MDGA1: variants seen among roughly 807,000 people sequenced by gnomAD.
MDGA1 encodes MAM domain-containing glycosylphosphatidylinositol anchor protein 1.
A neutral mutation model predicts 101.5 loss-of-function variants in MDGA1; 54 were observed. The ratio of observed to expected loss-of-function variants is 0.53; its 90% CI spans 0.43 to 0.67. The LOEUF is 0.67. Among genes scored for constraint, MDGA1 ranks in the 30% least tolerant of loss-of-function variants. The pLI, the probability that MDGA1 is intolerant of heterozygous loss-of-function variation, is 0.00. For missense variants in MDGA1, 1,083 were observed against 1,323.8 expected (o/e 0.82, Z 2.82); for synonymous variants, 533 against 558.3 (o/e 0.95, Z 0.64).
chr6:37,681,417 G>A (rs950021880), intron 1 of MDGA1, among the ~76,000 whole-genome samples: 4 of 152,058 alleles, frequency 2.6e-5, no homozygotes, highest in Non-Finnish European at 4.4e-5. Flanking sequence ...CTGGATGCCC[G>A]TGCCCACCCC....
chr6:37,634,409 G>A lies in MDGA1; in HGVS notation c.*2959C>T, dbSNP rs549651071. 23 of 153,250 alleles carry A rather than the reference G, an allele frequency of 1.5e-4. No homozygotes were observed. Among genetic ancestry groups the A allele is most frequent in the Non-Finnish European group, 2.9e-4 (20 of 68,284 alleles). 9.5% of individuals were successfully genotyped at this position (153,250 alleles called of 1,614,324 possible). On this transcript the variant is annotated 3_prime_UTR_variant, in exon 17 of 17. Transcript: ENST00000434837. The surrounding 1 kb of genome is among the most constrained non-coding windows in gnomAD (Gnocchi z 4.7). Reference sequence around the variant, plus strand: ...CACACAGACACTGACACACCATGGCGCACAAAGACACAGCATGAGCAACAC... The same window carrying A: ...CACACAGACACTGACACACCATGGCACACAAAGACACAGCATGAGCAACAC...
At chr6:37,658,448 C>T (rs753949320) in intron 2 of MDGA1, 29 bp from the exon 3 acceptor site, 3 of 1,581,884 alleles carry the variant, frequency 1.9e-6, no homozygotes, top group Non-Finnish European at 2.6e-6. Flanking sequence ...CAGAGTCAGA[C>T]TGTCAGACTC....
chr6:37,683,879 C>A (rs887634252), intron 1 of MDGA1, among the ~76,000 whole-genome samples: 12 of 152,248 alleles, frequency 7.9e-5, no homozygotes, highest in African/African-American at 2.9e-4. Context: ...TCTGGGGCAA[C>A]CCAAACTAAG....
In MDGA1 at chr6:37,638,191, T is replaced by G. The variant is rs1270003092; in HGVS notation, c.2776+14A>C. ...CTCCAGATTCAGCTCCCCCACCTCC[T>G]TCCCGTCTTGCACCTTTATTGGGAT... On this transcript the variant is annotated intron_variant, in intron 16 of 16. Coordinates refer to ENST00000434837, the MANE Select transcript of MDGA1 (RefSeq NM_153487.4). The surrounding 1 kb of genome is among the most constrained non-coding windows in gnomAD (Gnocchi z 4.8). 1.2e-6 allele frequency: 2 copies of G among 1,607,838 alleles called. No homozygotes were observed. The highest frequency in any genetic ancestry group is 2.7e-5 in the African/African-American group (2 of 74,604).
chr6:37,674,442 T>C (rs1186195082), intron 1 of MDGA1, among the ~76,000 whole-genome samples: 2 of 152,222 alleles, frequency 1.3e-5, no homozygotes, highest in African/African-American at 4.8e-5. Flanking sequence ...CTGGAGCTTC[T>C]GGGAGAGGCT....
rs1159550740 is a variant in MDGA1 at position 37,696,612 on chromosome 6, G to A, written c.67+133C>T. 8 of 840,328 alleles carry A rather than the reference G, an allele frequency of 9.5e-6. No individual in the cohort carries two copies. Among genetic ancestry groups the A allele is most frequent in the African/African-American group, 8.4e-5 (5 of 59,548 alleles). 52.1% of individuals were successfully genotyped at this position (840,328 alleles called of 1,614,324 possible). ...GCTCGGTCTCCACGCGCCCTGGAGA[G>A]GGCGGGGACGCGGGCATCCACTCCA... is the stretch of plus-strand genomic sequence containing the variant. On this transcript the variant is annotated intron_variant, in intron 1 of 16. Coordinates refer to ENST00000434837, the MANE Select transcript of MDGA1 (RefSeq NM_153487.4). This position sits in a 1 kb window ranked among gnomAD's most constrained non-coding sequence, Gnocchi z 5.6.
At chr6:37,682,385 G>A (rs943828923) in intron 1 of MDGA1, among the ~76,000 whole-genome samples, 6 of 152,202 alleles carry the variant, frequency 3.9e-5, no homozygotes, top group African/African-American at 1.4e-4. Context: ...TCGGGAGGTT[G>A]AGGAGGGAGA....
chr6:37,647,142 G>GCC, intron 10 of MDGA1, 31 bp downstream of exon 10: 1 of 1,560,764 alleles, frequency 6.4e-7, no homozygotes, highest in Non-Finnish European at 8.7e-7. Flanking sequence ...CACTCCACCT[G>GCC]CCCCCAGGCC....
chr6:37,662,032 G>A (rs13199974), intron 2 of MDGA1, among the ~76,000 whole-genome samples: 22,951 of 151,452 alleles, frequency 0.15, 2,009 homozygotes, highest in Middle Eastern at 0.22. Context: ...GCATGGAGGC[G>A]CATGCCTGTA....
At chr6:37,643,157 C>T (rs1209426435) in intron 14 of MDGA1, 1 of 152,312 alleles carries the variant, frequency 6.6e-6, no homozygotes, top group Non-Finnish European at 1.5e-5. Flanking sequence ...AGGGTTAATG[C>T]AATCAAGGAT....
rs1762432437 is a variant in MDGA1 at position 37,696,867 on chromosome 6, G to T, written c.-56C>A. ...CGGCGCAGCCCGAGAGGCGGCGGGG[G>T]GCGCATTCGCCGGGGCCCCGCGACG... On this transcript the variant is annotated 5_prime_UTR_variant, in exon 1 of 17. Transcript: ENST00000434837. This position sits in a 1 kb window ranked among gnomAD's most constrained non-coding sequence, Gnocchi z 5.6. 2 of 1,485,652 alleles carry T rather than the reference G, an allele frequency of 1.3e-6. No homozygotes were observed. The highest frequency in any genetic ancestry group is 3.9e-5 in the Admixed American group (2 of 50,924). 92.0% of individuals were successfully genotyped at this position (1,485,652 alleles called of 1,614,324 possible).
chr6:37,652,159 G>A lies in MDGA1; in HGVS notation c.1164C>T (p.Arg388=), dbSNP rs1761384587. ...ARMSKRLLVT[R]NDPELPAVTS... is the part of the protein sequence containing the mutation. ...TGACTGCGGGCAGCTCAGGATCATT[G>A]CGGGTCACCAGCAGCCGCTTGGACA... Residue 388 remains arginine (R), a synonymous_variant, in exon 7 of 17, where the codon CGC becomes CGT. Transcript: ENST00000434837. This position sits in a 1 kb window ranked among gnomAD's most constrained non-coding sequence, Gnocchi z 4.3. 6.2e-7 allele frequency: 1 copy of A among 1,613,836 alleles called. No homozygotes were observed.
Position 37,637,003 on chromosome 6 carries a change from G to A in MDGA1, c.*365C>T, listed in dbSNP as rs1401134527. The A allele has an allele frequency of 1.1e-5, 2 of 176,328 alleles. No homozygotes were observed. The highest frequency in any genetic ancestry group is 1.5e-4 in the East Asian group (1 of 6,708). 10.9% of individuals were successfully genotyped at this position (176,328 alleles called of 1,614,324 possible). A position where few individuals can be genotyped will look rare whatever the true frequency, so the allele number is the denominator to read the frequency against. On this transcript the variant is annotated 3_prime_UTR_variant, in exon 17 of 17. Coordinates refer to ENST00000434837, the MANE Select transcript of MDGA1 (RefSeq NM_153487.4). ...GGGTAAAGTCAGAAGCACACCACGA[G>A]TGCAGCAAGGACAAGGCCTATGTTG...
At position 37,693,308 on chromosome 6, in the gene MDGA1, G is replaced by A. The variant is rs115971744; in HGVS notation, c.67+3437C>T. Among the ~76,000 whole-genome samples the A allele has an allele frequency of 2.6e-3, 395 of 152,252 alleles. 3 individuals are homozygous for A. Among genetic ancestry groups the A allele is most frequent in the African/African-American group, 9.0e-3 (375 of 41,538 alleles). On this transcript the variant is annotated intron_variant, in intron 1 of 16. Coordinates refer to ENST00000434837, the MANE Select transcript of MDGA1 (RefSeq NM_153487.4). Reference sequence around the variant, plus strand: ...ACTCACTTCCTGAAATTCCTTCTCCGTGCTCCCCAGAGGAGGGAAAAAAAC... The same window carrying A: ...ACTCACTTCCTGAAATTCCTTCTCCATGCTCCCCAGAGGAGGGAAAAAAAC...
chr6:37,671,564 A>C (rs948486820), intron 1 of MDGA1, among the ~76,000 whole-genome samples: 9 of 152,186 alleles, frequency 5.9e-5, no homozygotes, highest in South Asian at 2.1e-4. Flanking sequence ...TTTCCTCCCC[A>C]AAAATTATAC....
In MDGA1 at chr6:37,663,858, A is replaced by G. The variant is rs1008242638; in HGVS notation, c.207+109T>C. On this transcript the variant is annotated intron_variant, in intron 2 of 16. Transcript: ENST00000434837. ...CCCCCATCTCCTGTTCTCTGCCTCC[A>G]TGCTGCGGTGCATCGTGAGTCCTCA... 4.0e-6 allele frequency: 5 copies of G among 1,253,476 alleles called. No homozygotes were observed. The African/African-American group carries it at 7.3e-5, about 18-fold the overall frequency. 77.6% of individuals were successfully genotyped at this position (1,253,476 alleles called of 1,614,324 possible).
intron 1 of MDGA1, among the ~76,000 whole-genome samples, chr6:37,667,013 A>G (rs1210591508): frequency 1.3e-5 from 2 of 152,248 alleles, no homozygotes; most frequent in African/African-American, 4.8e-5. Context: ...ATGATAACAC[A>G]GGATAAATGA....
chr6:37,635,954 T>C lies in MDGA1; in HGVS notation c.*1414A>G, dbSNP rs1763920874. 2.6e-6 allele frequency: 1 copy of C among 390,502 alleles called. No individual in the cohort carries two copies. Among genetic ancestry groups the C allele is most frequent in the African/African-American group, 2.1e-5 (1 of 48,502 alleles). The allele number at this position is 390,502 out of a possible 1,614,324, so 24.2% of individuals were successfully genotyped here. A position where few individuals can be genotyped will look rare whatever the true frequency, so the allele number is the denominator to read the frequency against. On this transcript the variant is annotated 3_prime_UTR_variant, in exon 17 of 17. Transcript: ENST00000434837. ...CTCAATCCAGTCTCACAGGCAGATA[T>C]GTGAGATTGCACACACAGACCTGTG...
At chr6:37,660,911 G>A (rs1226961439) in intron 2 of MDGA1, among the ~76,000 whole-genome samples, 3 of 152,118 alleles carry the variant, frequency 2.0e-5, no homozygotes, top group South Asian at 2.1e-4. Flanking sequence ...TGCCTATACC[G>A]AAGATCATGG....
Sources: gnomAD v4.1 joint callset for allele counts (sites outside exome capture counted in the v4.1 genomes callset) on GRCh38, gnomAD v4.1.1 for gene constraint, Gnocchi (gnomAD v3.1) non-coding constraint, MANE v1.5 for transcripts, NCBI Gene and HGNC (gene_info 2026-07-23, HGNC 2026-07-21) for gene names.